KCNIP4: variants seen among roughly 807,000 people sequenced by gnomAD.
KCNIP4 encodes Kv channel-interacting protein 4.
In KCNIP4, 12 loss-of-function variants were observed where a neutral mutation model predicts 34.0. That is an observed-to-expected ratio of 0.35 (90% CI 0.23 to 0.57). KCNIP4 has a LOEUF of 0.57. KCNIP4 is among the 20% of genes least tolerant of loss of function. The pLI, the probability that KCNIP4 is intolerant of heterozygous loss-of-function variation, is 0.83. For synonymous variants in KCNIP4, 124 were observed against 102.2 expected, an observed-to-expected ratio of 1.21 and a Z score of -1.29; for missense variants, 238 against 311.7, an observed-to-expected ratio of 0.76 and a Z score of 1.78.
At position 21,372,533 on chromosome 4, in the gene KCNIP4, G is replaced by A. The variant is rs775484794; in HGVS notation, c.62-489824C>T. On this transcript the variant is annotated intron_variant, in intron 1 of 8. Coordinates refer to ENST00000382152, the MANE Select transcript of KCNIP4 (RefSeq NM_025221.6). ...TCTGTTTCATGCGTTAAAGATTACA[G>A]CAGGTAGGTTTCTAAAAAGTCATCA... Among the ~76,000 whole-genome samples, 2 of 146,972 alleles carry A rather than the reference G, an allele frequency of 1.4e-5. 1 individual carries two copies. The highest frequency in any genetic ancestry group is 5.4e-5 in the African/African-American group (2 of 36,714).
chr4:21,941,294 C>CA (rs1730192145), intron 1 of KCNIP4, among the ~76,000 whole-genome samples: 1 of 152,036 alleles, frequency 6.6e-6, no homozygotes, highest in Non-Finnish European at 1.5e-5. Context: ...CAAAAAAAGA[C>CA]AGATTGTGGG....
In KCNIP4 at chr4:21,741,550, C is replaced by CT. The variant is rs375063362; in HGVS notation, c.61+207020dup. Among the ~76,000 whole-genome samples, 1,137 of 152,302 alleles carry CT rather than the reference C, an allele frequency of 7.5e-3. 6 individuals carry two copies. The highest frequency in any genetic ancestry group is 0.013 in the Non-Finnish European group (864 of 68,026). ...CCAGTGGAACCCAGCATCATCTATA[C>CT]TTTAAGCCTCACCACTACTTGCTAT... is the stretch of plus-strand genomic sequence containing the variant. On this transcript the variant is annotated intron_variant, in intron 1 of 8. Transcript: ENST00000382152.
At chr4:20,747,876 C>A (rs1752701576) in intron 5 of KCNIP4, among the ~76,000 whole-genome samples, 1 of 152,170 alleles carries the variant, frequency 6.6e-6, no homozygotes, top group Non-Finnish European at 1.5e-5. Context: ...CTTGACTCCA[C>A]AAAGCCATTT....
chr4:21,612,048 T>C (rs961210921), intron 1 of KCNIP4, among the ~76,000 whole-genome samples: 1 of 152,256 alleles, frequency 6.6e-6, no homozygotes, highest in Non-Finnish European at 1.5e-5. Flanking sequence ...ATTGTCTTTT[T>C]AATAACAATG....
chr4:21,928,161 T>A (rs944862935), intron 1 of KCNIP4, among the ~76,000 whole-genome samples: 1 of 151,358 alleles, frequency 6.6e-6, no homozygotes, highest in Non-Finnish European at 1.5e-5. Flanking sequence ...ACTGAAGTTT[T>A]CTTTTCCCTT....
chr4:21,242,572 T>TGCAA (rs1759914338), intron 1 of KCNIP4, among the ~76,000 whole-genome samples: 1 of 152,128 alleles, frequency 6.6e-6, no homozygotes, highest in Non-Finnish European at 1.5e-5. Context: ...TCCAATGTGT[T>TGCAA]TGGGGATCAA....
chr4:21,006,983 G>T (rs564417386), intron 1 of KCNIP4, among the ~76,000 whole-genome samples: 1 of 152,268 alleles, frequency 6.6e-6, no homozygotes, highest in South Asian at 2.1e-4. Context: ...TGAATTTCCT[G>T]GCAGTGCCTG....
At chr4:21,910,456 T>C (rs926347934) in intron 1 of KCNIP4, among the ~76,000 whole-genome samples, 8 of 152,160 alleles carry the variant, frequency 5.3e-5, no homozygotes, top group South Asian at 2.1e-4. Context: ...GGCTTCTACA[T>C]ATCCAGTCTC....
chr4:21,399,237 T>C (rs2109543733), intron 1 of KCNIP4, among the ~76,000 whole-genome samples: 1 of 152,144 alleles, frequency 6.6e-6, no homozygotes, highest in East Asian at 1.9e-4. Flanking sequence ...GGCCAGGGTG[T>C]AGGTTCTGTT....
At chr4:21,650,705 A>G (rs186006275) in intron 1 of KCNIP4, among the ~76,000 whole-genome samples, 82 of 152,304 alleles carry the variant, frequency 5.4e-4, no homozygotes, top group African/African-American at 1.8e-3. Context: ...TGAATTTATT[A>G]TCACTCAGTT....
intron 1 of KCNIP4, among the ~76,000 whole-genome samples, chr4:21,947,498 G>A (rs1033985768): frequency 6.6e-6 from 1 of 152,166 alleles, no homozygotes; most frequent in Non-Finnish European, 1.5e-5. Context: ...CTATTGGAGT[G>A]AGGAAAAGAA....
chr4:20,873,444 GTCTTTC>G (rs1723695346), intron 2 of KCNIP4, among the ~76,000 whole-genome samples: 1 of 151,964 alleles, frequency 6.6e-6, no homozygotes, highest in South Asian at 2.1e-4. Context: ...TTTTCTTGTC[GTCTTTC>G]TCTTTCTCTC....
In KCNIP4 at chr4:21,925,233, C is replaced by T. The variant is rs1729171094; in HGVS notation, c.61+23338G>A. On this transcript the variant is annotated intron_variant, in intron 1 of 8. Coordinates refer to ENST00000382152, the MANE Select transcript of KCNIP4 (RefSeq NM_025221.6). ...TATCTCCTAATGTTATCCCTTCCCCCTCCCCCCACCCCACAACAGTCCCTG... is the reference window on the plus strand; with the variant it reads ...TATCTCCTAATGTTATCCCTTCCCCTTCCCCCCACCCCACAACAGTCCCTG... Among the ~76,000 whole-genome samples the T allele has an allele frequency of 2.2e-5, 3 of 138,760 alleles. No homozygotes were observed. The South Asian group carries it at 8.4e-4, about 39-fold the overall frequency. The allele number at this position is 138,760 out of a possible 152,430, so 91.0% of individuals were successfully genotyped here.
chr4:21,852,809 C>T (rs529427359), intron 1 of KCNIP4: 1 of 152,288 alleles, frequency 6.6e-6, no homozygotes, highest in South Asian at 2.1e-4. Context: ...TTACTGTAGA[C>T]TTTTGCCTTA....
intron 1 of KCNIP4, among the ~76,000 whole-genome samples, chr4:21,090,008 A>G (rs1162803708): frequency 6.6e-6 from 1 of 152,132 alleles, no homozygotes; most frequent in Non-Finnish European, 1.5e-5. Flanking sequence ...GCTGTCTTCA[A>G]TCGTTCCTTC....
intron 1 of KCNIP4, chr4:21,855,827 C>T (rs998901022): frequency 6.6e-6 from 1 of 152,290 alleles, no homozygotes; most frequent in African/African-American, 2.4e-5. Context: ...TTCCCTCCAT[C>T]TTCCACACAC....
At chr4:20,995,637 C>A (rs1057183606) in intron 1 of KCNIP4, among the ~76,000 whole-genome samples, 1 of 152,194 alleles carries the variant, frequency 6.6e-6, no homozygotes, top group Non-Finnish European at 1.5e-5. Flanking sequence ...GGCTTCCAAG[C>A]AAGGCAGAGC....
chr4:21,539,081 C>T, intron 1 of KCNIP4, among the ~76,000 whole-genome samples: 1 of 152,164 alleles, frequency 6.6e-6, no homozygotes, highest in East Asian at 1.9e-4. Context: ...GAAGCAAGGA[C>T]TTGCTTCTCC....
intron 1 of KCNIP4, among the ~76,000 whole-genome samples, chr4:21,890,752 G>C (rs1234842992): frequency 6.6e-6 from 1 of 152,054 alleles, no homozygotes; most frequent in Non-Finnish European, 1.5e-5. Context: ...AACAGGCCTA[G>C]AGAACTGTCT....
Sources: gnomAD v4.1 joint callset for allele counts (sites outside exome capture counted in the v4.1 genomes callset) on GRCh38, gnomAD v4.1.1 for gene constraint, MANE v1.5 for transcripts, NCBI Gene and HGNC (gene_info 2026-07-23, HGNC 2026-07-21) for gene names.